EBF3: variants seen among roughly 807,000 people sequenced by gnomAD.
EBF3 encodes transcription factor COE3.
Under a neutral mutation model 77.1 loss-of-function variants are expected in EBF3, and 18 were observed. The observed-to-expected ratio is 0.23, with a 90% CI of 0.16 to 0.35. The LOEUF (loss-of-function observed/expected upper bound fraction) is 0.35. EBF3 is among the 10% of genes least tolerant of loss of function. The probability of loss-of-function intolerance (pLI) is 1.00; values close to 1 mark genes in which losing one functional copy is unlikely to be tolerated. For synonymous variants in EBF3, 350 were observed against 343.5 expected, an observed-to-expected ratio of 1.02 and a Z score of -0.21; for missense variants, 558 against 860.0, an observed-to-expected ratio of 0.65 and a Z score of 4.39.
intron 6 of EBF3, among the ~76,000 whole-genome samples, chr10:129,917,323 C>T (rs1211461429): frequency 6.6e-6 from 1 of 152,130 alleles, no homozygotes; most frequent in Non-Finnish European, 1.5e-5. Flanking sequence ...GAGCCAAATT[C>T]ACACCACTGC....
At chr10:129,960,356 G>A (rs1859410408) in intron 4 of EBF3, among the ~76,000 whole-genome samples, 1 of 152,172 alleles carries the variant, frequency 6.6e-6, no homozygotes, top group Admixed American at 6.5e-5. Context: ...GAAGAGGGAA[G>A]GTTCCCCGCG....
intron 6 of EBF3, among the ~76,000 whole-genome samples, chr10:129,901,786 T>C (rs1022626578): frequency 6.6e-6 from 1 of 152,134 alleles, no homozygotes; most frequent in Non-Finnish European, 1.5e-5. Flanking sequence ...TACAGTTTGC[T>C]CTGGTTTAAT....
chr10:129,859,422 A>T (rs535935859), intron 10 of EBF3, among the ~76,000 whole-genome samples: 1 of 152,100 alleles, frequency 6.6e-6, no homozygotes, highest in African/African-American at 2.4e-5. Context: ...ACAGGGTTTT[A>T]CCATGTTGGC....
intron 8 of EBF3, among the ~76,000 whole-genome samples, chr10:129,872,850 C>A (rs1357118422): frequency 1.3e-5 from 2 of 152,188 alleles, no homozygotes; most frequent in Non-Finnish European, 2.9e-5. Flanking sequence ...TATCCAAGAA[C>A]CTTTCTCCCT....
At chr10:129,927,685 G>C (rs893883277) in intron 6 of EBF3, among the ~76,000 whole-genome samples, 1 of 152,042 alleles carries the variant, frequency 6.6e-6, no homozygotes, top group African/African-American at 2.4e-5. Context: ...TCTTCCTTTC[G>C]GCCCTCCCTC....
chr10:129,950,887 G>A (rs766927384), intron 6 of EBF3, among the ~76,000 whole-genome samples: 8 of 152,136 alleles, frequency 5.3e-5, no homozygotes, highest in Non-Finnish European at 1.2e-4. Context: ...CCAACTGCAG[G>A]TTAAGCTCCT....
At chr10:129,846,402 C>T (rs1472361880) in intron 11 of EBF3, among the ~76,000 whole-genome samples, 3 of 151,818 alleles carry the variant, frequency 2.0e-5, no homozygotes, top group East Asian at 3.9e-4. Flanking sequence ...TTATCAACTG[C>T]GGGGTGACGC....
chr10:129,932,353 G>T (rs1857081031), intron 6 of EBF3, among the ~76,000 whole-genome samples: 1 of 152,222 alleles, frequency 6.6e-6, no homozygotes, highest in African/African-American at 2.4e-5. Flanking sequence ...CCTGCAACAA[G>T]GCGACAAGGG....
In EBF3 at chr10:129,954,605, C is replaced by T. The variant is rs1365253722; in HGVS notation, c.554+2653G>A. On this transcript the variant is annotated intron_variant, in intron 6 of 16. Transcript: ENST00000440978. ...ACACAGAAAGGCAGTCTCAACGTGC[C>T]GGGAGAGGCTCGGTGTGGGTTGGAA... Among the ~76,000 whole-genome samples, 5 of 152,060 alleles carry T rather than the reference C, an allele frequency of 3.3e-5. No individual in the cohort carries two copies. In the South Asian group the frequency reaches 6.2e-4, roughly 19 times the overall value.
rs1564809637 is a variant in EBF3 at position 129,837,573 on chromosome 10, T to C, written c.*370A>G. 1 of 232,710 alleles carries C rather than the reference T, an allele frequency of 4.3e-6. No homozygotes were observed. Among genetic ancestry groups the C allele is most frequent in the Non-Finnish European group, 8.4e-6 (1 of 119,324 alleles). 14.4% of individuals were successfully genotyped at this position (232,710 alleles called of 1,614,324 possible). A position where few individuals can be genotyped will look rare whatever the true frequency, so the allele number is the denominator to read the frequency against. ...CAGCGTTTCATGATCATCAAAATGG[T>C]GCATTCACAAAGTTTCTCCCAACAC... On this transcript the variant is annotated 3_prime_UTR_variant, in exon 17 of 17. Transcript: ENST00000440978.
intron 6 of EBF3, among the ~76,000 whole-genome samples, chr10:129,908,887 T>A (rs1266251769): frequency 2.0e-5 from 3 of 152,168 alleles, no homozygotes; most frequent in African/African-American, 7.2e-5. Context: ...GTCGACTCTT[T>A]GCAAATTCTA....
At chr10:129,936,757 TGGGGACCCAGGGGGCTGTGG>T (rs1857392872) in intron 6 of EBF3, among the ~76,000 whole-genome samples, 1 of 140,200 alleles carries the variant, frequency 7.1e-6, no homozygotes, top group South Asian at 2.3e-4. Flanking sequence ...CTCAGCTGTG[TGGGGACCCAGGGGGCTGTGG>T]GGGGACCCTC....
chr10:129,916,511 C>T (rs1007409135), intron 6 of EBF3, among the ~76,000 whole-genome samples: 1 of 152,138 alleles, frequency 6.6e-6, no homozygotes, highest in African/African-American at 2.4e-5. Context: ...GTGTTGTTTC[C>T]GAAATTAGGC....
chr10:129,916,250 C>A (rs1446253273), intron 6 of EBF3, among the ~76,000 whole-genome samples: 3 of 152,176 alleles, frequency 2.0e-5, no homozygotes, highest in Non-Finnish European at 4.4e-5. Context: ...GACCACCAGG[C>A]CCAGGTGCAC....
At chr10:129,845,609 C>CTGTT (rs1486976175) in intron 11 of EBF3, 2 of 152,082 alleles carry the variant, frequency 1.3e-5, no homozygotes, top group Non-Finnish European at 2.9e-5. Context: ...AGCAATTATT[C>CTGTT]TGTTAGTTCT....
At chr10:129,875,502 T>C (rs547381308) in intron 7 of EBF3, among the ~76,000 whole-genome samples, 39 of 152,280 alleles carry the variant, frequency 2.6e-4, no homozygotes, top group Middle Eastern at 3.4e-3. Context: ...GGCCGGCTTT[T>C]TCGTTTTAAA....
At chr10:129,845,285 A>G (rs1564819382) in intron 11 of EBF3, 1 of 152,218 alleles carries the variant, frequency 6.6e-6, no homozygotes, top group Non-Finnish European at 1.5e-5. Context: ...TTAGCACCGA[A>G]TGGTGTTTGA....
Position 129,861,846 on chromosome 10 carries a change from A to G in EBF3, c.1039+5295T>C, listed in dbSNP as rs923574187. The stretch of plus-strand genomic sequence containing the variant: ...TATGATTTGTGGGCGGCAATTAAGC[A>G]TCATTTGCTCTGTGCATCCAAGTAA... On this transcript the variant is annotated intron_variant, in intron 10 of 16. Coordinates refer to ENST00000440978, the MANE Select transcript of EBF3 (RefSeq NM_001375380.1). The surrounding 1 kb of genome is among the most constrained non-coding windows in gnomAD (Gnocchi z 4.3). Among the ~76,000 whole-genome samples, 6 of 152,222 alleles carry G rather than the reference A, an allele frequency of 3.9e-5. No individual in the cohort carries two copies. Among genetic ancestry groups the G allele is most frequent in the African/African-American group, 1.4e-4 (6 of 41,446 alleles).
chr10:129,916,830 A>G (rs1855912784), intron 6 of EBF3, among the ~76,000 whole-genome samples: 1 of 152,188 alleles, frequency 6.6e-6, no homozygotes, highest in Non-Finnish European at 1.5e-5. Flanking sequence ...AGGCACAGTG[A>G]GCAGGACGAA....
Sources: allele counts gnomAD v4.1 joint callset (sites outside exome capture counted in the v4.1 genomes callset), GRCh38; gene constraint gnomAD v4.1.1; non-coding constraint Gnocchi (gnomAD v3.1); transcripts MANE v1.5; gene names NCBI Gene and HGNC (gene_info 2026-07-23, HGNC 2026-07-21).